The following CDH18 variants were observed in gnomAD, a reference collection of about 807,000 sequenced individuals.
CDH18 encodes cadherin-18.
A neutral mutation model predicts 67.9 loss-of-function variants in CDH18; 31 were observed. The ratio of observed to expected loss-of-function variants is 0.46; its 90% CI spans 0.34 to 0.62. The LOEUF is 0.62. Among genes scored for constraint, CDH18 ranks in the 20% least tolerant of loss-of-function variants. The pLI, the probability that CDH18 is intolerant of heterozygous loss-of-function variation, is 0.01. For synonymous variants in CDH18, 362 were observed against 347.2 expected (o/e 1.04, Z -0.48); for missense variants, 890 against 975.5 (o/e 0.91, Z 1.17).
At chr5:20,185,294 A>T (rs1256504477) in intron 2 of CDH18, among the ~76,000 whole-genome samples, 1 of 152,088 alleles carries the variant, frequency 6.6e-6, no homozygotes, top group Admixed American at 6.6e-5. Context: ...CTGCAGTAGT[A>T]CGGTAGCATC....
chr5:20,370,471 GT>G lies in CDH18; in HGVS notation c.-579-114967del, dbSNP rs527400524. The stretch of plus-strand genomic sequence containing the variant: ...GCAGTGCTGAGGCTTTTTGTCTAGT[GT>G]TTTTTGACCGTTACCCATAGCCTTA... On this transcript the variant is annotated intron_variant, in intron 1 of 14. Coordinates refer to the CDH18 transcript ENST00000507958. 5.8e-3 allele frequency among the ~76,000 whole-genome samples: 877 copies of G among 152,176 alleles called. 5 individuals carry two copies. The highest frequency in any genetic ancestry group is 0.02 in the Middle Eastern group (6 of 294).
intron 1 of CDH18, among the ~76,000 whole-genome samples, chr5:20,527,614 T>A (rs1289805375): frequency 1.3e-5 from 2 of 152,052 alleles, no homozygotes; most frequent in Non-Finnish European, 2.9e-5. Flanking sequence ...TTCAACATTC[T>A]TAAAGAAAAG....
intron 2 of CDH18, among the ~76,000 whole-genome samples, chr5:19,898,990 CA>C (rs1789643436): frequency 1.3e-5 from 2 of 152,192 alleles, no homozygotes; most frequent in Middle Eastern, 3.4e-3. Context: ...AAAAAGTGAG[CA>C]AAATACTAGA....
At chr5:19,737,236 C>A (rs933418038) in intron 4 of CDH18, among the ~76,000 whole-genome samples, 2 of 152,142 alleles carry the variant, frequency 1.3e-5, no homozygotes, top group Non-Finnish European at 2.9e-5. Context: ...ATTTTCTCTA[C>A]ACCCAATCAC....
At chr5:20,028,612 C>G (rs1053975473) in intron 2 of CDH18, among the ~76,000 whole-genome samples, 1 of 152,096 alleles carries the variant, frequency 6.6e-6, no homozygotes, top group Non-Finnish European at 1.5e-5. Context: ...TGCCTGAAAC[C>G]TCAGATAGTT....
intron 1 of CDH18, among the ~76,000 whole-genome samples, chr5:20,382,260 T>A (rs2150102015): frequency 6.6e-6 from 1 of 152,334 alleles, no homozygotes; most frequent in South Asian, 2.1e-4. Context: ...CAGTGACAAC[T>A]GGCATTTTTC....
intron 5 of CDH18, among the ~76,000 whole-genome samples, chr5:19,667,505 T>TAC (rs1312791245): frequency 0.011 from 1,341 of 127,494 alleles, 8 homozygotes; most frequent in Non-Finnish European, 0.015. Context: ...TATATATATA[T>TAC]ATACACACAC....
intron 3 of CDH18, among the ~76,000 whole-genome samples, chr5:19,810,517 T>A (rs1184378916): frequency 1.3e-5 from 2 of 151,856 alleles, no homozygotes; most frequent in African/African-American, 4.8e-5. Context: ...ATTAGAAGTT[T>A]TAGAATGAAA....
chr5:20,417,833 G>A (rs2150153672), intron 1 of CDH18, among the ~76,000 whole-genome samples: 1 of 152,226 alleles, frequency 6.6e-6, no homozygotes, highest in Non-Finnish European at 1.5e-5. Flanking sequence ...ATTAGAGACA[G>A]GTACAAAAGT....
intron 2 of CDH18, among the ~76,000 whole-genome samples, chr5:20,236,148 T>C (rs955651819): frequency 3.9e-4 from 59 of 151,990 alleles, no homozygotes; most frequent in African/African-American, 1.4e-3. Context: ...GGTGACAGAA[T>C]TATTTGTACT....
chr5:20,534,854 T>TATTG (rs1389849789), intron 1 of CDH18, among the ~76,000 whole-genome samples: 2 of 151,810 alleles, frequency 1.3e-5, no homozygotes, highest in African/African-American at 2.4e-5. Context: ...TTTATTTATT[T>TATTG]ATTTAGAGTC....
intron 11 of CDH18, among the ~76,000 whole-genome samples, chr5:19,499,943 A>G (rs2126736903): frequency 6.6e-6 from 1 of 152,246 alleles, no homozygotes; most frequent in Non-Finnish European, 1.5e-5. Context: ...GTTTCTCTCA[A>G]TACAGACTTT....
intron 1 of CDH18, among the ~76,000 whole-genome samples, chr5:20,515,142 A>G (rs1755282709): frequency 6.6e-6 from 1 of 152,080 alleles, no homozygotes; most frequent in Non-Finnish European, 1.5e-5. Flanking sequence ...ATATTACTAT[A>G]ATCAAAAAGA....
At chr5:19,738,840 T>C (rs1768714876) in intron 4 of CDH18, among the ~76,000 whole-genome samples, 1 of 152,056 alleles carries the variant, frequency 6.6e-6, no homozygotes, top group South Asian at 2.1e-4. Context: ...CCATGACACA[T>C]GTTTACCTAT....
At chr5:19,919,691 T>A (rs1472802986) in intron 2 of CDH18, among the ~76,000 whole-genome samples, 2 of 152,232 alleles carry the variant, frequency 1.3e-5, no homozygotes, top group East Asian at 1.9e-4. Context: ...TTTACAGATA[T>A]CAACTTATTT....
chr5:20,371,956 C>G (rs768845595), intron 1 of CDH18, among the ~76,000 whole-genome samples: 5 of 152,220 alleles, frequency 3.3e-5, no homozygotes, highest in Non-Finnish European at 7.3e-5. Context: ...CTTCCTTAAG[C>G]CTTGCCATGT....
At chr5:19,674,866 G>A (rs990819792) in intron 5 of CDH18, among the ~76,000 whole-genome samples, 2 of 152,000 alleles carry the variant, frequency 1.3e-5, no homozygotes, top group African/African-American at 4.8e-5. Flanking sequence ...ATCCAATCCA[G>A]AAAATTGAAG....
chr5:19,911,174 A>G (rs1357851793), intron 2 of CDH18, among the ~76,000 whole-genome samples: 1 of 152,104 alleles, frequency 6.6e-6, no homozygotes, highest in Non-Finnish European at 1.5e-5. Context: ...CTGACTGTCT[A>G]TTTTGGATTA....
intron 11 of CDH18, among the ~76,000 whole-genome samples, chr5:19,500,051 G>A (rs1414564099): frequency 6.6e-6 from 1 of 151,572 alleles, no homozygotes; most frequent in East Asian, 1.9e-4. Flanking sequence ...CATAGGCACA[G>A]AAAATGATAA....
Sources: allele counts gnomAD v4.1 joint callset (sites outside exome capture counted in the v4.1 genomes callset), GRCh38; gene constraint gnomAD v4.1.1; transcripts MANE v1.5; gene names NCBI Gene and HGNC (gene_info 2026-07-23, HGNC 2026-07-21).